DLEC1: variants seen among roughly 807,000 people sequenced by gnomAD.
DLEC1 encodes DLEC1 cilia and flagella associated protein.
Under a neutral mutation model 198.1 loss-of-function variants are expected in DLEC1, and 146 were observed. That is an observed-to-expected ratio of 0.74 (90% CI 0.64 to 0.85). The LOEUF (loss-of-function observed/expected upper bound fraction) is 0.85. DLEC1 is among the 40% of genes least tolerant of loss of function. The pLI is 0.00. For synonymous variants in DLEC1, 897 were observed against 866.8 expected (o/e 1.03, Z -0.61); for missense variants, 2,233 against 2,220.0 (o/e 1.01, Z -0.12).
intron 10 of DLEC1, among the ~76,000 whole-genome samples, chr3:38,089,056 G>C (rs989493466): frequency 1.3e-5 from 2 of 152,190 alleles, no homozygotes; most frequent in Admixed American, 1.3e-4. Context: ...ATGTGACTGG[G>C]TGTGGGCTGC....
At chr3:38,121,804 C>T in intron 35 of DLEC1, 23 bp downstream of exon 35, 2 of 1,612,074 alleles carry the variant, frequency 1.2e-6, no homozygotes, top group South Asian at 2.2e-5. Flanking sequence ...CTGCCACCTA[C>T]CCACCGTTCC....
chr3:38,052,324 C>T, intron 2 of DLEC1: 1 of 384,826 alleles, frequency 2.6e-6, no homozygotes, highest in South Asian at 2.6e-5. Context: ...CGAGTACCTG[C>T]ACAGCAAGCT....
intron 25 of DLEC1, among the ~76,000 whole-genome samples, chr3:38,113,672 T>A (rs760646865): frequency 3.9e-5 from 6 of 151,962 alleles, no homozygotes; most frequent in Admixed American, 1.3e-4. Context: ...GCCTGAGCGA[T>A]GGAGCAAGAC....
intron 19 of DLEC1, among the ~76,000 whole-genome samples, chr3:38,104,482 AT>A (rs1325721484): frequency 0.016 from 2,250 of 144,174 alleles, 52 homozygotes; most frequent in African/African-American, 0.048. Context: ...CCAAAAAAAG[AT>A]TTTTTTTTTT....
chr3:38,120,081 C>T (rs887948732), intron 33 of DLEC1, among the ~76,000 whole-genome samples: 2 of 152,208 alleles, frequency 1.3e-5, no homozygotes, highest in African/African-American at 2.4e-5. Flanking sequence ...AGCCCACCTC[C>T]CCACCAGGTC....
intron 11 of DLEC1, 80 bp from the exon 12 acceptor site, chr3:38,093,525 C>T (rs981623303): frequency 2.3e-5 from 36 of 1,540,802 alleles, no homozygotes; most frequent in African/African-American, 1.1e-4. Flanking sequence ...ATGTGGATGG[C>T]GGCATGGGTC....
chr3:38,097,159 G>A lies in DLEC1; in HGVS notation c.2341-23G>A, dbSNP rs182925474. 1.1e-4 allele frequency: 164 copies of A among 1,553,490 alleles called. 1 individual carries two copies. In the East Asian group the frequency reaches 3.9e-3, roughly 37 times the overall value. Reference sequence around the variant, plus strand: ...GACATGAAGGGGCAGTAAATGGGCAGCCTGGTCTCGGGTGTCTTTCAGATG... The same window carrying A: ...GACATGAAGGGGCAGTAAATGGGCAACCTGGTCTCGGGTGTCTTTCAGATG... On this transcript the variant is annotated intron_variant, in intron 15 of 36. Coordinates refer to ENST00000308059, the MANE Select transcript of DLEC1 (RefSeq NM_007335.4).
At chr3:38,085,167 C>T in intron 7 of DLEC1, 107 bp from the exon 8 acceptor site, 1 of 1,263,092 alleles carries the variant, frequency 7.9e-7, no homozygotes, top group Admixed American at 2.0e-5. Context: ...GCCCAGAAGG[C>T]ACTTACAGAG....
intron 19 of DLEC1, among the ~76,000 whole-genome samples, chr3:38,106,168 C>A (rs1699558411): frequency 6.6e-6 from 1 of 152,094 alleles, no homozygotes; most frequent in Admixed American, 6.5e-5. Flanking sequence ...TGTATAGTTG[C>A]CCTTTAAATC....
intron 20 of DLEC1, among the ~76,000 whole-genome samples, chr3:38,107,963 A>C (rs1205228460): frequency 6.6e-6 from 1 of 152,144 alleles, no homozygotes; most frequent in Non-Finnish European, 1.5e-5. Context: ...TCCCTGACCA[A>C]GAAGGAGTTT....
intron 2 of DLEC1, among the ~76,000 whole-genome samples, chr3:38,049,382 T>C (rs1398838695): frequency 6.6e-6 from 1 of 152,206 alleles, no homozygotes; most frequent in East Asian, 1.9e-4. Flanking sequence ...TAAAAGTTTC[T>C]TATTTGAGGC....
chr3:38,121,158 A>C (rs536640020), intron 34 of DLEC1, among the ~76,000 whole-genome samples: 3 of 152,286 alleles, frequency 2.0e-5, no homozygotes, highest in Non-Finnish European at 2.9e-5. Context: ...CTAGCCTGGC[A>C]CCTGGGCAGC....
At chr3:38,091,488 A>G (rs1698744330) in intron 10 of DLEC1, among the ~76,000 whole-genome samples, 2 of 152,144 alleles carry the variant, frequency 1.3e-5, no homozygotes, top group African/African-American at 4.8e-5. Flanking sequence ...ACAAATGAAC[A>G]AACAAAAAAA....
intron 2 of DLEC1, among the ~76,000 whole-genome samples, chr3:38,049,368 C>A (rs952832131): frequency 2.0e-5 from 3 of 152,116 alleles, no homozygotes; most frequent in African/African-American, 7.2e-5. Flanking sequence ...TGAGGACATT[C>A]CCCTAAAAGT....
Position 38,090,436 on chromosome 3 carries a change from C to T in DLEC1, c.1665+2048C>T, listed in dbSNP as rs1402878859. On this transcript the variant is annotated intron_variant, in intron 10 of 36. Coordinates refer to ENST00000308059, the MANE Select transcript of DLEC1 (RefSeq NM_007335.4). ...TCTTTGCCTTGTGTTTTCTACTTAACTCTATATCTTAGAGATCATTCTCAT... is the reference window on the plus strand; with the variant it reads ...TCTTTGCCTTGTGTTTTCTACTTAATTCTATATCTTAGAGATCATTCTCAT... Among the ~76,000 whole-genome samples, 5 of 152,344 alleles carry T rather than the reference C, an allele frequency of 3.3e-5. No homozygotes were observed. In the East Asian group the frequency reaches 7.7e-4, roughly 23 times the overall value.
chr3:38,099,623 T>A (rs1699202773), intron 18 of DLEC1, among the ~76,000 whole-genome samples: 1 of 152,138 alleles, frequency 6.6e-6, no homozygotes, highest in Admixed American at 6.5e-5. Flanking sequence ...GCAAAGTGGC[T>A]CCTTACAGGG....
In DLEC1 at chr3:38,084,067, C is replaced by A. The variant is rs185036855; in HGVS notation, c.1174-91C>A. 2.3e-5 allele frequency: 29 copies of A among 1,281,670 alleles called. No homozygotes were observed. The East Asian group carries it at 6.7e-4, about 29-fold the overall frequency. The allele number at this position is 1,281,670 out of a possible 1,614,324, so 79.4% of individuals were successfully genotyped here. ...CAAGCCTATTTCATTTCTACCTCTA[C>A]CCCCTTCTCATATTAGAGTAAATCC... On this transcript the variant is annotated intron_variant, in intron 6 of 36. Coordinates refer to ENST00000308059, the MANE Select transcript of DLEC1 (RefSeq NM_007335.4).
At chr3:38,045,480 T>A in intron 1 of DLEC1, 63 bp from the exon 2 acceptor site, 1 of 1,563,210 alleles carries the variant, frequency 6.4e-7, no homozygotes, top group South Asian at 1.2e-5. Context: ...TAGGGCTGAG[T>A]AAAGCTAAGT....
intron 19 of DLEC1, among the ~76,000 whole-genome samples, chr3:38,102,510 GTTC>G (rs918568543): frequency 3.3e-5 from 5 of 152,210 alleles, no homozygotes; most frequent in African/African-American, 1.2e-4. Context: ...AGATGTTGGA[GTTC>G]TTCTTTACTT....
Sources: allele counts gnomAD v4.1 joint callset (sites outside exome capture counted in the v4.1 genomes callset), GRCh38; gene constraint gnomAD v4.1.1; transcripts MANE v1.5; gene names NCBI Gene and HGNC (gene_info 2026-07-23, HGNC 2026-07-21).